The following COG7 variants were observed in gnomAD, a reference collection of about 807,000 sequenced individuals.
COG7 encodes the protein component of oligomeric golgi complex 7.
In COG7, 49 loss-of-function variants were observed where a neutral mutation model predicts 91.5. That is an observed-to-expected ratio of 0.54 (90% CI 0.43 to 0.68). The LOEUF is 0.68. COG7 is among the 30% of genes least tolerant of loss of function. The pLI, the probability that COG7 is intolerant of heterozygous loss-of-function variation, is 0.00. For synonymous variants in COG7, 365 were observed against 388.7 expected, an observed-to-expected ratio of 0.94 and a Z score of 0.72; for missense variants, 895 against 961.3, an observed-to-expected ratio of 0.93 and a Z score of 0.91.
intron 15 of COG7, 105 bp from the exon 16 acceptor site, chr16:23,392,628 C>A: frequency 7.2e-7 from 1 of 1,396,638 alleles, no homozygotes; most frequent in South Asian, 1.2e-5. Flanking sequence ...CACAGGAAAC[C>A]GAAAACAGTT....
Position 23,409,088 on chromosome 16 carries a change from T to TGTGTGTGCGC in COG7, c.1475+1206_1475+1207insGCGCACACAC, listed in dbSNP as rs567307217. Reference sequence around the variant, plus strand: ...GCGTGTGTGTGTGTGTGTGTGTGTGTGCGTGCATGTGTGTGTGTGTGTGTG... The same window carrying TGTGTGTGCGC: ...GCGTGTGTGTGTGTGTGTGTGTGTGTGTGTGTGCGCGCGTGCATGTGTGTGTGTGTGTGTG... On this transcript the variant is annotated intron_variant, in intron 11 of 16. Coordinates refer to ENST00000307149, the MANE Select transcript of COG7 (RefSeq NM_153603.4). Among the ~76,000 whole-genome samples, 1,032 of 147,886 alleles carry TGTGTGTGCGC rather than the reference T, an allele frequency of 7.0e-3. 11 individuals carry two copies. Among genetic ancestry groups the TGTGTGTGCGC allele is most frequent in the Non-Finnish European group, 6.5e-3 (437 of 67,134 alleles).
intron 5 of COG7, among the ~76,000 whole-genome samples, chr16:23,434,060 T>C (rs1338405870): frequency 6.6e-6 from 1 of 152,132 alleles, no homozygotes; most frequent in East Asian, 1.9e-4. Context: ...GGAATTAAGG[T>C]CAGTTCAGGA....
In COG7 at chr16:23,403,723, G is replaced by C. The variant is rs1308370648; in HGVS notation, c.1774C>G (p.Gln592Glu). The change falls in exon 13 of 17, where the codon CAA becomes GAA. Residue 592 changes from glutamine (Q) to glutamate (E), a missense_variant. Transcript: ENST00000307149. The part of the protein sequence containing the change: ...AFDSVFLRIK[Q>E]QLLLISKMDS... ...ATCTTCGAAATAAGCAACAGCTGTT[G>C]TTTGATGCGCAGGAACACGGAATCG... 6.2e-7 allele frequency: 1 copy of C among 1,614,180 alleles called. No homozygotes were observed. Among genetic ancestry groups the C allele is most frequent in the South Asian group, 1.1e-5 (1 of 91,076 alleles).
At position 23,393,263 on chromosome 16, in the gene COG7, C is replaced by A; in HGVS notation, c.1972G>T (p.Ala658Ser). The change falls in exon 15 of 17, where the codon GCT becomes TCT. Residue 658 changes from alanine (A) to serine (S), a missense_variant. Ala to Ser is a moderately conservative substitution (Grantham distance 99, BLOSUM62 1). Transcript: ENST00000307149. ...EDSALELALH[A>S]GKLPFPPEQG... ...TCAGGAGGAAATGGCAGCTTTCCAG[C>A]GTGCAATGCCAACTCTAAGGCAGAG... 6.2e-7 allele frequency: 1 copy of A among 1,613,920 alleles called. No individual in the cohort carries two copies. Among genetic ancestry groups the A allele is most frequent in the South Asian group, 1.1e-5 (1 of 91,042 alleles).
intron 6 of COG7, among the ~76,000 whole-genome samples, chr16:23,425,202 C>T (rs1389715951): frequency 2.0e-5 from 3 of 152,072 alleles, no homozygotes; most frequent in Non-Finnish European, 4.4e-5. Context: ...CCCACCTATT[C>T]GGGAAGCAGA....
intron 3 of COG7, among the ~76,000 whole-genome samples, chr16:23,444,274 TGATAA>T (rs1232063960): frequency 6.6e-6 from 1 of 152,162 alleles, no homozygotes; most frequent in African/African-American, 2.4e-5. Context: ...AAAAACTGAC[TGATAA>T]ATCATTCATT....
chr16:23,435,396 A>T (rs563294873), intron 4 of COG7, among the ~76,000 whole-genome samples: 24 of 152,266 alleles, frequency 1.6e-4, no homozygotes, highest in Admixed American at 7.9e-4. Flanking sequence ...AACAAAACAT[A>T]AAATCAAATA....
At chr16:23,452,385 A>C (rs1964278007) in intron 1 of COG7, among the ~76,000 whole-genome samples, 1 of 152,188 alleles carries the variant, frequency 6.6e-6, no homozygotes, top group Non-Finnish European at 1.5e-5. Context: ...CTGGCAACAC[A>C]GTGAGATCCC....
intron 9 of COG7, 168 bp from the exon 10 acceptor site, chr16:23,413,732 C>A: frequency 3.3e-6 from 2 of 598,328 alleles, no homozygotes; most frequent in South Asian, 3.7e-5. Flanking sequence ...ACAAAAAGTT[C>A]TTCTCTATGT....
At chr16:23,407,097 A>G (rs13331660) in intron 11 of COG7, among the ~76,000 whole-genome samples, 11,346 of 152,282 alleles carry the variant, frequency 0.075, 714 homozygotes, top group African/African-American at 0.17. Context: ...TGCTTTGGAC[A>G]TAGCAGTTTT....
intron 1 of COG7, among the ~76,000 whole-genome samples, chr16:23,451,558 T>A (rs948074113): frequency 6.7e-6 from 1 of 149,072 alleles, no homozygotes; most frequent in Non-Finnish European, 1.5e-5. Flanking sequence ...TAAAAAAAAA[T>A]TTTTTTTTTT....
intron 6 of COG7, among the ~76,000 whole-genome samples, chr16:23,429,324 G>A (rs1963897588): frequency 1.3e-5 from 2 of 151,880 alleles, no homozygotes; most frequent in Non-Finnish European, 1.5e-5. Flanking sequence ...ATACACCTAC[G>A]ATTTGACCCT....
chr16:23,443,641 G>A (rs1196826631), intron 3 of COG7, among the ~76,000 whole-genome samples: 4 of 151,884 alleles, frequency 2.6e-5, no homozygotes, highest in African/African-American at 7.3e-5. Flanking sequence ...GCAGTGAGCC[G>A]AGATCATGCC....
intron 8 of COG7, among the ~76,000 whole-genome samples, chr16:23,417,677 G>A (rs529765957): frequency 6.6e-6 from 1 of 152,296 alleles, no homozygotes; most frequent in East Asian, 1.9e-4. Flanking sequence ...AGGATCGCTT[G>A]AGCCTGGGAG....
intron 11 of COG7, among the ~76,000 whole-genome samples, 159 bp from the exon 12 acceptor site, chr16:23,406,421 T>C (rs907438325): frequency 6.6e-6 from 1 of 152,196 alleles, no homozygotes; most frequent in Non-Finnish European, 1.5e-5. Flanking sequence ...CCCTTCATCA[T>C]TGAGGAGTGA....
chr16:23,438,722 C>A, intron 4 of COG7, among the ~76,000 whole-genome samples: 1 of 141,358 alleles, frequency 7.1e-6, no homozygotes, highest in South Asian at 2.3e-4. Context: ...ATTAGTATGG[C>A]TATAATCCAA....
At chr16:23,396,560 T>A (rs1963288123) in intron 14 of COG7, among the ~76,000 whole-genome samples, 2 of 151,004 alleles carry the variant, frequency 1.3e-5, no homozygotes, top group African/African-American at 4.9e-5. Context: ...GCGCCTGTAA[T>A]CCCAGCTACT....
At chr16:23,413,964 C>T (rs1433468779) in intron 9 of COG7, 4 of 196,384 alleles carry the variant, frequency 2.0e-5, no homozygotes, top group Non-Finnish European at 2.1e-5. Flanking sequence ...CCTGGGATAA[C>T]GTAAGGAAGG....
At chr16:23,390,938 A>G (rs1436817991) in intron 16 of COG7, among the ~76,000 whole-genome samples, 5 of 152,234 alleles carry the variant, frequency 3.3e-5, no homozygotes, top group Admixed American at 3.3e-4. Context: ...CCCACAGTCT[A>G]CTAGGACATT....
Sources: allele counts gnomAD v4.1 joint callset (sites outside exome capture counted in the v4.1 genomes callset), GRCh38; gene constraint gnomAD v4.1.1; transcripts MANE v1.5; gene names NCBI Gene and HGNC (gene_info 2026-07-23, HGNC 2026-07-21).